EYS: variants seen among roughly 807,000 people sequenced by gnomAD.
EYS encodes EGF-like photoreceptor maintenance factor.
A neutral mutation model predicts 282.1 loss-of-function variants in EYS; 250 were observed. The observed-to-expected ratio is 0.89, with a 90% confidence interval of 0.80 to 0.98. The LOEUF is 0.98. Among genes scored for constraint, EYS ranks in the 50% least tolerant of loss-of-function variants. EYS has a pLI of 0.00. For synonymous variants in EYS, 1,355 were observed against 1,282.9 expected (o/e 1.06, Z -1.20); for missense variants, 4,016 against 3,709.0 (o/e 1.08, Z -2.15).
At chr6:64,430,248 A>C (rs1361345647) in intron 28 of EYS, among the ~76,000 whole-genome samples, 1 of 152,118 alleles carries the variant, frequency 6.6e-6, no homozygotes, top group Non-Finnish European at 1.5e-5. Flanking sequence ...TGAATGCACA[A>C]TTTGCTGCAT....
Position 64,475,568 on chromosome 6 carries a change from A to C in EYS, c.5645-36216T>G, listed in dbSNP as rs1163701285. ...TCCGTCTCAAAAAAAAAAAAAAAAA[A>C]AAAAAGAAAAGAAAAAATACCAAAT... On this transcript the variant is annotated intron_variant, in intron 26 of 42. Transcript: ENST00000503581. Among the ~76,000 whole-genome samples the C allele has an allele frequency of 2.8e-5, 2 of 70,440 alleles. 1 individual carries two copies. Among genetic ancestry groups the C allele is most frequent in the South Asian group, 8.7e-4 (2 of 2,302 alleles). 46.2% of individuals were successfully genotyped at this position (70,440 alleles called of 152,430 possible). A position where few individuals can be genotyped will look rare whatever the true frequency, so the allele number is the denominator to read the frequency against.
Position 63,975,818 on chromosome 6 carries a change from GCTTA to G in EYS, c.7055+8561_7055+8564del, listed in dbSNP as rs1046167894. ...TCTCTAGAAGGTGAACTTTTATTTGGCTTACTATTTACAGTTATATGTCACTCAG... is the reference window on the plus strand; with the variant it reads ...TCTCTAGAAGGTGAACTTTTATTTGGCTATTTACAGTTATATGTCACTCAG... On this transcript the variant is annotated intron_variant, in intron 35 of 42. Coordinates refer to ENST00000503581, the MANE Select transcript of EYS (RefSeq NM_001142800.2). Among the ~76,000 whole-genome samples, 33 of 152,050 alleles carry G rather than the reference GCTTA, an allele frequency of 2.2e-4. 1 individual carries two copies. Among genetic ancestry groups the G allele is most frequent in the Admixed American group, 5.9e-4 (9 of 15,236 alleles).
intron 22 of EYS, among the ~76,000 whole-genome samples, chr6:64,693,864 A>G (rs905083137): frequency 1.3e-5 from 2 of 152,192 alleles, no homozygotes; most frequent in Non-Finnish European, 1.5e-5. Context: ...ACATACATCA[A>G]ACTAAAGAAT....
chr6:65,001,211 C>T (rs1439505433), intron 13 of EYS, among the ~76,000 whole-genome samples: 1 of 124,246 alleles, frequency 8.0e-6, no homozygotes, highest in Non-Finnish European at 1.9e-5. Context: ...CTATCTGTAT[C>T]CTGAGCTCTT....
intron 12 of EYS, among the ~76,000 whole-genome samples, chr6:65,234,847 C>T (rs1766883854): frequency 6.6e-6 from 1 of 152,106 alleles, no homozygotes; most frequent in Non-Finnish European, 1.5e-5. Flanking sequence ...AAAGATACTA[C>T]ATAGCTAGTG....
At chr6:65,391,573 G>A (rs1023747220) in intron 7 of EYS, among the ~76,000 whole-genome samples, 1 of 152,072 alleles carries the variant, frequency 6.6e-6, no homozygotes, top group African/African-American at 2.4e-5. Context: ...ATTCACAATT[G>A]CTTCAAAGAG....
At chr6:65,115,975 A>T (rs1349488516) in intron 12 of EYS, among the ~76,000 whole-genome samples, 6 of 91,122 alleles carry the variant, frequency 6.6e-5, no homozygotes, top group African/African-American at 4.0e-4. Context: ...TAATCTATCT[A>T]TCTATCTATC....
At chr6:65,332,159 G>C (rs1048606223) in intron 11 of EYS, 1 of 479,542 alleles carries the variant, frequency 2.1e-6, no homozygotes, top group Non-Finnish European at 3.7e-6. Context: ...TCAGATTGTG[G>C]AAGTTCCCTT....
At chr6:64,377,844 A>G (rs948938122) in intron 29 of EYS, 4 of 152,136 alleles carry the variant, frequency 2.6e-5, no homozygotes, top group African/African-American at 4.8e-5. Flanking sequence ...ACTGGGTTCA[A>G]ATCCTCATAC....
At chr6:64,877,660 C>T (rs895531634) in intron 19 of EYS, among the ~76,000 whole-genome samples, 1 of 152,000 alleles carries the variant, frequency 6.6e-6, no homozygotes, top group African/African-American at 2.4e-5. Flanking sequence ...TGACCTCCAA[C>T]AAGAAGAATA....
intron 15 of EYS, among the ~76,000 whole-genome samples, chr6:64,929,016 T>C (rs779971763): frequency 6.2e-4 from 94 of 152,274 alleles, no homozygotes; most frequent in Admixed American, 1.3e-3. Flanking sequence ...TTGAATTGTA[T>C]CTCCCCAAAA....
chr6:64,408,161 AAAT>A (rs1773783885), intron 28 of EYS, among the ~76,000 whole-genome samples: 1 of 152,046 alleles, frequency 6.6e-6, no homozygotes, highest in African/African-American at 2.4e-5. Flanking sequence ...AATGGAGAAT[AAAT>A]AATGAGTTAA....
chr6:63,780,952 C>T (rs1253987874), intron 39 of EYS, among the ~76,000 whole-genome samples: 3 of 152,196 alleles, frequency 2.0e-5, no homozygotes, highest in Non-Finnish European at 4.4e-5. Context: ...AATCCAGTTT[C>T]AGCTTTCTAC....
intron 12 of EYS, among the ~76,000 whole-genome samples, chr6:65,163,974 AGAC>A (rs1219686716): frequency 1.1e-4 from 17 of 151,378 alleles, no homozygotes; most frequent in Admixed American, 9.9e-4. Context: ...TGCATCCCTG[AGAC>A]TAAAACAAGT....
chr6:64,380,985 C>T lies in EYS; in HGVS notation c.6078+7705G>A, dbSNP rs150139697. ...AGCCGAGAAATCGTGCCACTGCACT[C>T]CAGCCTGGGTGACAGAGCAAGACTC... On this transcript the variant is annotated intron_variant, in intron 29 of 42. Transcript: ENST00000503581. Among the ~76,000 whole-genome samples, 1,288 of 150,132 alleles carry T rather than the reference C, an allele frequency of 8.6e-3. 27 individuals are homozygous for T. The highest frequency in any genetic ancestry group is 0.029 in the African/African-American group (1,181 of 40,620).
rs938105563 is a variant in EYS at position 65,102,965 on chromosome 6, C to T, written c.2024-45238G>A. ...ACTGTACAAAAGTGTGTGGTTTAAA[C>T]ACTGGTCACCTAACTTATTAAGGAT... On this transcript the variant is annotated intron_variant, in intron 12 of 42. Transcript: ENST00000503581. 4.0e-5 allele frequency among the ~76,000 whole-genome samples: 6 copies of T among 151,442 alleles called. No individual in the cohort carries two copies. In the Admixed American group the frequency reaches 4.0e-4, roughly 10 times the overall value.
intron 28 of EYS, among the ~76,000 whole-genome samples, chr6:64,406,111 T>C (rs958937152): frequency 3.3e-5 from 5 of 152,082 alleles, no homozygotes; most frequent in African/African-American, 1.2e-4. Flanking sequence ...GCAAAACAGA[T>C]ATGTATAGAC....
intron 22 of EYS, among the ~76,000 whole-genome samples, chr6:64,792,508 A>G (rs1026242814): frequency 2.0e-5 from 3 of 152,034 alleles, no homozygotes; most frequent in Admixed American, 1.3e-4. Flanking sequence ...GTTAAGCAGT[A>G]CCAAGCTGTG....
chr6:65,230,345 C>G (rs940176514), intron 12 of EYS, among the ~76,000 whole-genome samples: 2 of 140,968 alleles, frequency 1.4e-5, no homozygotes, highest in Non-Finnish European at 3.1e-5. Flanking sequence ...GCAGAGCATC[C>G]AGAATGATTG....
Sources: allele counts gnomAD v4.1 joint callset (sites outside exome capture counted in the v4.1 genomes callset), GRCh38; gene constraint gnomAD v4.1.1; transcripts MANE v1.5; gene names NCBI Gene and HGNC (gene_info 2026-07-23, HGNC 2026-07-21).